Variants in TMEM72 observed in about 807,000 individuals in gnomAD.
TMEM72 encodes kidney-specific secretory protein of 37 kDa.
In TMEM72, 9 loss-of-function variants were observed where a neutral mutation model predicts 16.3. The ratio of observed to expected loss-of-function variants is 0.55; its 90% CI spans 0.33 to 0.96. TMEM72 has a LOEUF of 0.96. TMEM72 is among the 40% of genes least tolerant of loss of function. The pLI is 0.03. For missense variants in TMEM72, 324 were observed against 337.8 expected (o/e 0.96, Z 0.32); for synonymous variants, 160 against 146.5 (o/e 1.09, Z -0.66).
At chr10:44,934,004 C>T (rs1840350360) in intron 4 of TMEM72, among the ~76,000 whole-genome samples, 1 of 152,190 alleles carries the variant, frequency 6.6e-6, no homozygotes, top group Admixed American at 6.5e-5. Flanking sequence ...CTTCACAGAG[C>T]CGTACAGAAG....
chr10:44,933,585 T>G, intron 3 of TMEM72, 52 bp from the exon 4 acceptor site: 4 of 1,577,342 alleles, frequency 2.5e-6, no homozygotes, highest in Non-Finnish European at 3.5e-6. Flanking sequence ...CATCCAGTCT[T>G]GCTGGGGTTT....
chr10:44,933,566 A>T (rs1268126174), intron 3 of TMEM72, 71 bp from the exon 4 acceptor site: 17 of 1,553,816 alleles, frequency 1.1e-5, no homozygotes, highest in Non-Finnish European at 1.7e-6. Flanking sequence ...CCTGGCCCAG[A>T]CTCCATGGCA....
chr10:44,927,887 C>T (rs771075385), intron 1 of TMEM72, 34 bp from the exon 2 acceptor site: 1 of 1,603,296 alleles, frequency 6.2e-7, no homozygotes, highest in Non-Finnish European at 8.5e-7. Context: ...TGTAGAGCAC[C>T]AGGCCCACTC....
chr10:44,914,203 G>A (rs752271674), intron 1 of TMEM72, among the ~76,000 whole-genome samples: 1 of 152,230 alleles, frequency 6.6e-6, no homozygotes, highest in Admixed American at 6.5e-5. Flanking sequence ...TCAGTGTCCA[G>A]CCCCATATCA....
chr10:44,924,768 G>A (rs1217278976), intron 1 of TMEM72, among the ~76,000 whole-genome samples: 6 of 152,198 alleles, frequency 3.9e-5, no homozygotes, highest in East Asian at 1.9e-4. Context: ...ATCCTCTTCC[G>A]CCTTGGGTAA....
chr10:44,917,339 A>G (rs7923073), intron 1 of TMEM72, among the ~76,000 whole-genome samples: 118,903 of 152,092 alleles, frequency 0.78, 47,278 homozygotes, highest in African/African-American at 0.88. Context: ...ATGAGTTATC[A>G]GCTCCTTTTG....
Position 44,933,682 on chromosome 10 carries a change from C to A in TMEM72, c.255C>A (p.His85Gln), listed in dbSNP as rs573235679. The stretch of plus-strand genomic sequence containing the variant: ...CAGACAGAGTAAGGGAGAAAGCCCA[C>A]TGGCTGGGCTGCTTCCAGAAGTTCC... ...SLADRVREKA[H>Q]WLGCFQKFLA... is the part of the protein sequence containing the mutation. The change falls in exon 4 of 5, where the codon CAC (histidine) becomes CAA (glutamine). Residue 85 changes from histidine (H) to glutamine (Q), a missense_variant. Physicochemically the swap from His to Gln is conservative, Grantham distance 24. Transcript: ENST00000389583. The A allele has an allele frequency of 2.5e-4, 411 of 1,614,116 alleles. 4 individuals carry two copies. In the South Asian group the frequency reaches 4.1e-3, roughly 16 times the overall value.
At position 44,935,848 on chromosome 10, in the gene TMEM72, T is replaced by C. The variant is rs1406628471; in HGVS notation, c.*714T>C. The C allele has an allele frequency of 1.3e-5, 2 of 152,240 alleles. No homozygotes were observed. The highest frequency in any genetic ancestry group is 4.8e-5 in the African/African-American group (2 of 41,452). 9.4% of individuals were successfully genotyped at this position (152,240 alleles called of 1,614,324 possible). Reference sequence around the variant, plus strand: ...TCCTTACCACATGGCCTTTCCAAGATTCCAGGTTGATGATGCAAACTGAAC... The same window carrying C: ...TCCTTACCACATGGCCTTTCCAAGACTCCAGGTTGATGATGCAAACTGAAC... On this transcript the variant is annotated 3_prime_UTR_variant, in exon 5 of 5. Coordinates refer to ENST00000389583, the MANE Select transcript of TMEM72 (RefSeq NM_001123376.3).
At chr10:44,934,288 CT>C (rs1312379020) in intron 4 of TMEM72, among the ~76,000 whole-genome samples, 1 of 152,214 alleles carries the variant, frequency 6.6e-6, no homozygotes, top group Non-Finnish European at 1.5e-5. Context: ...TTGCTCCCAC[CT>C]TTTCAGTTTC....
At chr10:44,913,773 A>G (rs892011898) in intron 1 of TMEM72, among the ~76,000 whole-genome samples, 7 of 152,172 alleles carry the variant, frequency 4.6e-5, no homozygotes, top group Non-Finnish European at 8.8e-5. Context: ...GGATTTGCAA[A>G]TTCCTTATTC....
chr10:44,918,146 C>T (rs371812076), intron 1 of TMEM72, among the ~76,000 whole-genome samples: 21 of 152,160 alleles, frequency 1.4e-4, no homozygotes, highest in African/African-American at 4.3e-4. Flanking sequence ...TTGACTATCA[C>T]GAGAACAACA....
chr10:44,913,415 C>T (rs140042700), intron 1 of TMEM72, among the ~76,000 whole-genome samples: 424 of 152,128 alleles, frequency 2.8e-3, no homozygotes, highest in African/African-American at 9.2e-3. Flanking sequence ...TCTCAGTCAC[C>T]GGAAGAGTCT....
chr10:44,926,178 CACACATGT>C lies in TMEM72; in HGVS notation c.71-1737_71-1730del, dbSNP rs113279503. Among the ~76,000 whole-genome samples, 228 of 152,252 alleles carry C rather than the reference CACACATGT, an allele frequency of 1.5e-3. 2 individuals carry two copies. Among genetic ancestry groups the C allele is most frequent in the African/African-American group, 5.4e-3 (223 of 41,544 alleles). On this transcript the variant is annotated intron_variant, in intron 1 of 4. Transcript: ENST00000389583. The stretch of plus-strand genomic sequence containing the variant: ...ACATATACACATACACTCACACACT[CACACATGT>C]ACACACACACATACACTCACACATA...
intron 1 of TMEM72, among the ~76,000 whole-genome samples, chr10:44,919,426 A>G (rs1478690238): frequency 6.6e-6 from 1 of 152,246 alleles, no homozygotes; most frequent in East Asian, 1.9e-4. Flanking sequence ...GAGCTAATGG[A>G]GGGAATGGCA....
At chr10:44,933,582 T>A in intron 3 of TMEM72, 55 bp from the exon 4 acceptor site, 1 of 1,573,120 alleles carries the variant, frequency 6.4e-7, no homozygotes, top group Non-Finnish European at 8.7e-7. Context: ...TGGCATCCAG[T>A]CTTGCTGGGG....
intron 2 of TMEM72, among the ~76,000 whole-genome samples, chr10:44,929,043 C>T (rs1840248193): frequency 6.6e-6 from 1 of 152,160 alleles, no homozygotes; most frequent in African/African-American, 2.4e-5. Context: ...AGGAGAAGGG[C>T]ATATTGGCCT....
intron 1 of TMEM72, among the ~76,000 whole-genome samples, chr10:44,913,180 G>A (rs780365412): frequency 1.3e-5 from 2 of 152,106 alleles, no homozygotes; most frequent in Non-Finnish European, 2.9e-5. Context: ...GCCATCCTGG[G>A]GAGAGGAAGG....
intron 2 of TMEM72, 183 bp from the exon 3 acceptor site, chr10:44,931,815 G>T: frequency 1.6e-6 from 1 of 632,428 alleles, no homozygotes; most frequent in African/African-American, 1.8e-5. Flanking sequence ...CCTCTCCCCA[G>T]CATGGCCCAG....
chr10:44,914,675 C>G (rs754672316), intron 1 of TMEM72, among the ~76,000 whole-genome samples: 23 of 152,188 alleles, frequency 1.5e-4, no homozygotes, highest in Non-Finnish European at 2.8e-4. Flanking sequence ...ACTCAGGCCC[C>G]AGAGGAGGCT....
Sources: allele counts gnomAD v4.1 joint callset (sites outside exome capture counted in the v4.1 genomes callset), GRCh38; gene constraint gnomAD v4.1.1; transcripts MANE v1.5; gene names NCBI Gene and HGNC (gene_info 2026-07-23, HGNC 2026-07-21).